Variants in ROBO2 observed in about 807,000 individuals in gnomAD.
The protein encoded by ROBO2 is roundabout homolog 2.
A neutral mutation model predicts 160.8 loss-of-function variants in ROBO2; 53 were observed. The observed-to-expected ratio is 0.33, with a 90% CI of 0.26 to 0.41. The LOEUF is 0.41. Ranked by LOEUF, ROBO2 falls within the 10% of genes least tolerant of loss-of-function variation. The pLI, the probability that ROBO2 is intolerant of heterozygous loss-of-function variation, is 1.00. For missense variants in ROBO2, 1,577 were observed against 1,722.4 expected, an observed-to-expected ratio of 0.92 and a Z score of 1.49; for synonymous variants, 664 against 611.7, an observed-to-expected ratio of 1.09 and a Z score of -1.26.
chr3:77,093,950 G>T (rs1356277077), intron 1 of ROBO2, among the ~76,000 whole-genome samples: 13 of 151,944 alleles, frequency 8.6e-5, no homozygotes, highest in Admixed American at 7.9e-4. Context: ...TGTTCACAGT[G>T]CTCTTTTATC....
chr3:76,442,797 C>T (rs2076985460), intron 2 of ROBO2, among the ~76,000 whole-genome samples: 1 of 152,062 alleles, frequency 6.6e-6, no homozygotes, highest in African/African-American at 2.4e-5. Flanking sequence ...ATTGCAGAAT[C>T]TCAGTGTTTG....
At chr3:77,472,108 TGAGAGA>T (rs141138831) in intron 2 of ROBO2, among the ~76,000 whole-genome samples, 4 of 149,794 alleles carry the variant, frequency 2.7e-5, no homozygotes, top group African/African-American at 9.8e-5. Flanking sequence ...TAAGCCACAA[TGAGAGA>T]GAGAGAGAGA....
At chr3:76,163,799 T>G (rs557230373) in intron 2 of ROBO2, among the ~76,000 whole-genome samples, 9 of 152,074 alleles carry the variant, frequency 5.9e-5, no homozygotes, top group Non-Finnish European at 1.2e-4. Flanking sequence ...CTTCAGTGAG[T>G]TGTAATCTTT....
At chr3:76,868,825 A>C (rs945276745) in intron 2 of ROBO2, among the ~76,000 whole-genome samples, 8 of 149,012 alleles carry the variant, frequency 5.4e-5, no homozygotes, top group African/African-American at 2.0e-4. Flanking sequence ...GTATTGTGCT[A>C]ATGTGTATTT....
At chr3:77,013,786 A>T (rs750895207) in intron 2 of ROBO2, among the ~76,000 whole-genome samples, 3 of 152,198 alleles carry the variant, frequency 2.0e-5, no homozygotes, top group African/African-American at 7.2e-5. Context: ...TAAATGCTAG[A>T]TTTATTCTCT....
intron 2 of ROBO2, among the ~76,000 whole-genome samples, chr3:76,838,234 G>A (rs947064947): frequency 6.6e-6 from 1 of 152,056 alleles, no homozygotes; most frequent in African/African-American, 2.4e-5. Context: ...TTACTTGAGA[G>A]TGGATGGTGG....
intron 2 of ROBO2, among the ~76,000 whole-genome samples, chr3:76,750,516 T>A (rs550345664): frequency 6.6e-6 from 1 of 152,290 alleles, no homozygotes; most frequent in East Asian, 1.9e-4. Context: ...TGTCCCTGTT[T>A]GCAGATGACA....
intron 2 of ROBO2, among the ~76,000 whole-genome samples, chr3:76,158,179 G>T (rs1370191575): frequency 3.3e-5 from 5 of 152,082 alleles, no homozygotes; most frequent in African/African-American, 1.2e-4. Flanking sequence ...AAGCCAGAAA[G>T]CTGGAAGTCA....
chr3:77,113,085 G>T (rs2073833089), intron 2 of ROBO2, among the ~76,000 whole-genome samples: 1 of 152,048 alleles, frequency 6.6e-6, no homozygotes, highest in African/African-American at 2.4e-5. Flanking sequence ...AAAAAATCCC[G>T]TTTGTGCATA....
chr3:77,290,353 T>C (rs1318492842), intron 2 of ROBO2, among the ~76,000 whole-genome samples: 3 of 86,524 alleles, frequency 3.5e-5, no homozygotes, highest in East Asian at 3.7e-4. Context: ...AAATTGATGG[T>C]TAAACGGGTA....
intron 2 of ROBO2, among the ~76,000 whole-genome samples, chr3:76,835,300 A>G (rs2067581544): frequency 6.6e-6 from 1 of 150,738 alleles, no homozygotes; most frequent in Non-Finnish European, 1.5e-5. Context: ...ATTTTATATG[A>G]CACATACAAT....
At position 76,039,339 on chromosome 3, in the gene ROBO2, T is replaced by C. The variant is rs551690836; in HGVS notation, c.109+101737T>C. Among the ~76,000 whole-genome samples, 14 of 152,098 alleles carry C rather than the reference T, an allele frequency of 9.2e-5. No homozygotes were observed. The South Asian group carries it at 2.7e-3, about 29-fold the overall frequency. The stretch of plus-strand genomic sequence containing the variant: ...GAAAATAAACATGGTCTATTTTTTT[T>C]AGGCAGCATCAGGAGTTCATTTGAC... On this transcript the variant is annotated intron_variant, in intron 2 of 26. Transcript: ENST00000487694.
intron 2 of ROBO2, among the ~76,000 whole-genome samples, chr3:76,824,392 T>C (rs1559560039): frequency 6.6e-6 from 1 of 152,170 alleles, no homozygotes; most frequent in East Asian, 1.9e-4. Context: ...CCACAGTGCC[T>C]GGCCTCAATT....
chr3:77,492,094 AG>A (rs1265773947), intron 4 of ROBO2, among the ~76,000 whole-genome samples: 4 of 152,168 alleles, frequency 2.6e-5, no homozygotes, highest in African/African-American at 9.7e-5. Context: ...TTAAATTAGA[AG>A]GTTTGAAACT....
intron 2 of ROBO2, among the ~76,000 whole-genome samples, chr3:77,291,717 A>G (rs1255973639): frequency 1.3e-5 from 2 of 152,008 alleles, no homozygotes; most frequent in Non-Finnish European, 2.9e-5. Flanking sequence ...GACATAAAGT[A>G]AAATTGACAG....
chr3:76,235,163 T>G (rs958870230), intron 2 of ROBO2, among the ~76,000 whole-genome samples: 8 of 152,154 alleles, frequency 5.3e-5, no homozygotes, highest in African/African-American at 1.9e-4. Context: ...TATTTGGCAT[T>G]GAGGTGCTTA....
At chr3:76,729,491 G>A (rs2107820579) in intron 2 of ROBO2, among the ~76,000 whole-genome samples, 1 of 152,080 alleles carries the variant, frequency 6.6e-6, no homozygotes, top group Non-Finnish European at 1.5e-5. Context: ...ATGAGAATAA[G>A]CCATGAAAAA....
intron 2 of ROBO2, among the ~76,000 whole-genome samples, chr3:77,147,110 T>C (rs2077184838): frequency 6.6e-6 from 1 of 152,252 alleles, no homozygotes; most frequent in Non-Finnish European, 1.5e-5. Flanking sequence ...TACTATCATC[T>C]TTCTATTTCA....
chr3:76,784,885 T>G (rs796081103), intron 2 of ROBO2, among the ~76,000 whole-genome samples: 7 of 151,406 alleles, frequency 4.6e-5, no homozygotes, highest in Admixed American at 1.3e-4. Flanking sequence ...TCTAGGTATT[T>G]CACTTTTTTT....
Sources: gnomAD v4.1 joint callset for allele counts (sites outside exome capture counted in the v4.1 genomes callset) on GRCh38, gnomAD v4.1.1 for gene constraint, MANE v1.5 for transcripts, NCBI Gene and HGNC (gene_info 2026-07-23, HGNC 2026-07-21) for gene names.